RAG1: variants seen among roughly 807,000 people sequenced by gnomAD.
RAG1 encodes the protein V(D)J recombination-activating protein 1.
A neutral mutation model predicts 62.7 loss-of-function variants in RAG1; 35 were observed. The observed-to-expected ratio is 0.56, with a 90% CI of 0.43 to 0.74. The LOEUF is 0.74. Ranked by LOEUF, RAG1 falls within the 30% of genes least tolerant of loss-of-function variation. RAG1 has a pLI of 0.00. For missense variants in RAG1, 1,169 were observed against 1,278.6 expected (o/e 0.91, Z 1.31); for synonymous variants, 461 against 470.3 (o/e 0.98, Z 0.26).
At chr11:36,549,684 A>G (rs1850453885) in intron 3 of RAG1, among the ~76,000 whole-genome samples, 1 of 152,212 alleles carries the variant, frequency 6.6e-6, no homozygotes, top group South Asian at 2.1e-4. Context: ...AATTAGTTCA[A>G]CTGTTGTGGA....
At position 36,574,920 on chromosome 11, in the gene RAG1, A is replaced by G. The variant is rs1158723010; in HGVS notation, c.1616A>G (p.Asp539Gly). Residue 539 changes from aspartate to glycine, a missense_variant, in exon 2 of 2, where the codon GAT becomes GGT. Transcript: ENST00000299440. ...TCCAGCACTGATGTTGGCATTATTG[A>G]TGGGCTGTCTGGACTATCATCCTCT... Reference protein sequence around the residue: ...VSSSTDVGIIDGLSGLSSSVD... With the variant: ...VSSSTDVGIIGGLSGLSSSVD... 6.8e-6 allele frequency: 11 copies of G among 1,614,152 alleles called. No individual in the cohort carries two copies. The highest frequency in any genetic ancestry group is 9.3e-6 in the Non-Finnish European group (11 of 1,180,036).
intron 3 of RAG1, among the ~76,000 whole-genome samples, chr11:36,545,524 T>A (rs907442330): frequency 1.6e-4 from 24 of 152,260 alleles, no homozygotes; most frequent in African/African-American, 5.8e-4. Flanking sequence ...TCCAGAACTG[T>A]GAGAAAATAA....
intron 1 of RAG1, among the ~76,000 whole-genome samples, chr11:36,516,446 C>G (rs1249291153): frequency 6.6e-6 from 1 of 152,242 alleles, no homozygotes; most frequent in African/African-American, 2.4e-5. Context: ...CTCAGCATCC[C>G]GAGTAGCTGG....
upstream of RAG1, chr11:36,563,605 G>A (rs1223918016): frequency 6.6e-6 from 1 of 150,798 alleles, no homozygotes; most frequent in Non-Finnish European, 1.5e-5. Context: ...AGCACTAACT[G>A]TTCATAAGTT....
At chr11:36,562,769 T>A (rs984731141) in intron 3 of RAG1, among the ~76,000 whole-genome samples, 2 of 152,188 alleles carry the variant, frequency 1.3e-5, no homozygotes, top group Non-Finnish European at 2.9e-5. Context: ...TAAGAAAATA[T>A]ATATTTTCAT....
upstream of RAG1, chr11:36,563,481 T>C (rs1850619458): frequency 6.6e-6 from 1 of 152,194 alleles, no homozygotes; most frequent in Non-Finnish European, 1.5e-5. Flanking sequence ...ATTGTGGGAC[T>C]TCTTGACCTC....
At chr11:36,517,638 C>A (rs1243260640) in intron 1 of RAG1, among the ~76,000 whole-genome samples, 1 of 152,118 alleles carries the variant, frequency 6.6e-6, no homozygotes, top group Non-Finnish European at 1.5e-5. Context: ...ACATTTGCCT[C>A]TCTCATATGG....
upstream of RAG1, among the ~76,000 whole-genome samples, chr11:36,563,774 A>C (rs956090073): frequency 6.6e-6 from 1 of 152,174 alleles, no homozygotes; most frequent in Non-Finnish European, 1.5e-5. Flanking sequence ...TCTTATCCTC[A>C]AAAAAATATT....
chr11:36,575,345 G>A lies in RAG1; in HGVS notation c.2041G>A (p.Glu681Lys). The A allele has an allele frequency of 6.2e-7, 1 of 1,614,182 alleles. No individual in the cohort carries two copies. Among genetic ancestry groups the A allele is most frequent in the Non-Finnish European group, 8.5e-7 (1 of 1,180,040 alleles). Reference protein sequence around the residue: ...LTAILSPLIAEREAMKSSELM... With the variant: ...LTAILSPLIAKREAMKSSELM... ...TGCCATCCTGAGTCCTCTCATTGCT[G>A]AGAGGGAGGCCATGAAGAGCAGTGA... Residue 681 changes from glutamate (E) to lysine (K), a missense_variant, in exon 2 of 2, where the codon GAG becomes AAG. Physicochemically the swap from Glu to Lys is moderately conservative, Grantham distance 56. This residue lies in a region of RAG1 where 800 missense variants were observed against 943.3 expected (regional missense o/e 0.85). Transcript: ENST00000299440. This position sits in a 1 kb window ranked among gnomAD's most constrained non-coding sequence, Gnocchi z 4.1.
chr11:36,523,538 G>A (rs1458995311), intron 2 of RAG1, among the ~76,000 whole-genome samples: 2 of 152,118 alleles, frequency 1.3e-5, no homozygotes, highest in African/African-American at 4.8e-5. Flanking sequence ...CTAAGAACAA[G>A]GAGAGTTTTC....
rs956438227 is a variant in RAG1 at position 36,577,030 on chromosome 11, A to G, written c.*594A>G. The G allele has an allele frequency of 5.9e-6, 1 of 168,596 alleles. No individual in the cohort carries two copies. The highest frequency in any genetic ancestry group is 2.4e-5 in the African/African-American group (1 of 41,464). 10.4% of individuals were successfully genotyped at this position (168,596 alleles called of 1,614,324 possible). On this transcript the variant is annotated 3_prime_UTR_variant, in exon 2 of 2. Coordinates refer to ENST00000299440, the MANE Select transcript of RAG1 (RefSeq NM_000448.3). The stretch of plus-strand genomic sequence containing the variant: ...CTCAATGCATTTACCCATTCGTTAT[A>G]TAAATATGTTACATCAGGACAACTT...
At chr11:36,532,139 C>T (rs944272806) in intron 2 of RAG1, among the ~76,000 whole-genome samples, 1 of 151,532 alleles carries the variant, frequency 6.6e-6, no homozygotes, top group African/African-American at 2.4e-5. Flanking sequence ...TTTGAATTTT[C>T]TTTCAATATA....
chr11:36,519,024 G>A (rs956797099), intron 1 of RAG1, among the ~76,000 whole-genome samples: 9 of 152,154 alleles, frequency 5.9e-5, no homozygotes, highest in Non-Finnish European at 1.3e-4. Flanking sequence ...TTCTGTAGGG[G>A]ATATCAATTA....
At chr11:36,544,959 T>C (rs1226993452) in intron 3 of RAG1, among the ~76,000 whole-genome samples, 2 of 152,216 alleles carry the variant, frequency 1.3e-5, no homozygotes, top group Non-Finnish European at 2.9e-5. Context: ...TGTGAGTCAA[T>C]TAAACCTCTT....
At chr11:36,563,215 C>A (rs1461867512), upstream of RAG1, among the ~76,000 whole-genome samples, 1 of 152,232 alleles carries the variant, frequency 6.6e-6, no homozygotes, top group East Asian at 1.9e-4. Flanking sequence ...TGTGTTCATA[C>A]TTCTGGAAGA....
Position 36,574,327 on chromosome 11 carries a change from G to A in RAG1, c.1023G>A (p.Glu341=), listed in dbSNP as rs1437592721. The part of the protein sequence containing the change: ...CRYPCFPTDL[E]SPVKSFLSVL... ...ATCCATGCTTCCCTACTGACCTGGA[G>A]AGTCCAGTGAAGTCCTTTCTGAGCG... The change falls in exon 2 of 2, where the codon GAG becomes GAA. Residue 341 remains glutamate, a synonymous_variant. Coordinates refer to ENST00000299440, the MANE Select transcript of RAG1 (RefSeq NM_000448.3). 6.2e-7 allele frequency: 1 copy of A among 1,614,200 alleles called. No individual in the cohort carries two copies. The highest frequency in any genetic ancestry group is 8.5e-7 in the Non-Finnish European group (1 of 1,180,044).
chr11:36,560,783 T>C (rs1206359973), intron 3 of RAG1, among the ~76,000 whole-genome samples: 1 of 152,156 alleles, frequency 6.6e-6, no homozygotes, highest in Non-Finnish European at 1.5e-5. Context: ...TTTCCCCCTT[T>C]TCCCCACTAT....
chr11:36,523,930 A>G (rs1483557049), intron 2 of RAG1, among the ~76,000 whole-genome samples: 1 of 152,178 alleles, frequency 6.6e-6, no homozygotes, highest in Non-Finnish European at 1.5e-5. Context: ...ACCAGGATCC[A>G]TCCGTCATGT....
chr11:36,575,608 C>A lies in RAG1; in HGVS notation c.2304C>A (p.Tyr768Ter). The A allele has an allele frequency of 6.2e-7, 1 of 1,614,220 alleles. No individual in the cohort carries two copies. Among genetic ancestry groups the A allele is most frequent in the Non-Finnish European group, 8.5e-7 (1 of 1,180,040 alleles). ...ERYEVWRSNP[Y>*]HESVEELRDR... Reference sequence around the variant, plus strand: ...ATGAGGTCTGGCGTTCCAACCCTTACCATGAGTCTGTGGAAGAACTGCGGG... The same window carrying A: ...ATGAGGTCTGGCGTTCCAACCCTTAACATGAGTCTGTGGAAGAACTGCGGG... The change falls in exon 2 of 2, where the codon TAC becomes TAA. Residue 768 changes from tyrosine (Y) to a stop codon, truncating the protein, a stop_gained. Transcript: ENST00000299440. LOFTEE classifies it high-confidence loss of function. The surrounding 1 kb of genome is among the most constrained non-coding windows in gnomAD (Gnocchi z 4.1).
Sources: gnomAD v4.1 joint callset for allele counts (sites outside exome capture counted in the v4.1 genomes callset) on GRCh38, gnomAD v4.1.1 for gene constraint, gnomAD v4.1.1 regional missense constraint, Gnocchi (gnomAD v3.1) non-coding constraint, MANE v1.5 for transcripts, NCBI Gene and HGNC (gene_info 2026-07-23, HGNC 2026-07-21) for gene names.